HOOK1: variants seen among roughly 807,000 people sequenced by gnomAD.
The protein encoded by HOOK1 is hook microtubule tethering protein 1, also known as protein Hook homolog 1.
Under a neutral mutation model 112.8 loss-of-function variants are expected in HOOK1, and 60 were observed. The observed-to-expected ratio is 0.53, with a 90% CI of 0.43 to 0.66. The LOEUF (loss-of-function observed/expected upper bound fraction) is 0.66. Ranked by LOEUF, HOOK1 falls within the 30% of genes least tolerant of loss-of-function variation. The pLI is 0.00. For synonymous variants in HOOK1, 294 were observed against 283.8 expected, an observed-to-expected ratio of 1.04 and a Z score of -0.36; for missense variants, 770 against 856.0, an observed-to-expected ratio of 0.90 and a Z score of 1.25.
chr1:59,824,635 A>G (rs1160426258), intron 2 of HOOK1, among the ~76,000 whole-genome samples: 1 of 152,232 alleles, frequency 6.6e-6, no homozygotes, highest in African/African-American at 2.4e-5. Flanking sequence ...TTTAACCAAT[A>G]GTTTTTTTCT....
chr1:59,835,130 A>G (rs2098396653), intron 5 of HOOK1, among the ~76,000 whole-genome samples: 1 of 152,200 alleles, frequency 6.6e-6, no homozygotes, highest in Non-Finnish European at 1.5e-5. Context: ...CAAGGTACTG[A>G]CTGCAACAAT....
chr1:59,828,721 T>C, intron 2 of HOOK1, 59 bp from the exon 3 acceptor site: 1 of 1,474,780 alleles, frequency 6.8e-7, no homozygotes, highest in South Asian at 1.2e-5. Flanking sequence ...TGGCTCTATT[T>C]AATTTTTTGT....
At chr1:59,859,286 C>A (rs1425565952) in intron 14 of HOOK1, among the ~76,000 whole-genome samples, 2 of 151,888 alleles carry the variant, frequency 1.3e-5, no homozygotes, top group African/African-American at 2.4e-5. Context: ...TATGACATGA[C>A]CCCCATGTGC....
rs1644119334 is a variant in HOOK1, at chr1:59,875,719, A to T, written c.*2754A>T. The stretch of plus-strand genomic sequence containing the variant: ...TAAGATTAAAATTCCTTTTCTTTTT[A>T]AGGTTAAGGGTGTGTACGTATGGCA... On this transcript the variant is annotated 3_prime_UTR_variant, in exon 22 of 22. Coordinates refer to ENST00000371208, the MANE Select transcript of HOOK1 (RefSeq NM_015888.6). 6.6e-6 allele frequency: 1 copy of T among 152,218 alleles called. No individual in the cohort carries two copies. The highest frequency in any genetic ancestry group is 2.4e-5 in the African/African-American group (1 of 41,466). The allele number at this position is 152,218 out of a possible 1,614,324, so 9.4% of individuals were successfully genotyped here. A position where few individuals can be genotyped will look rare whatever the true frequency, so the allele number is the denominator to read the frequency against.
Position 59,821,946 on chromosome 1 carries a change from GAGT to G in HOOK1, c.149+7_149+9del. ...ATGGCACAAGTTCTTCATCAAATGT[GAGT>G]AGTGGTCAGACTCTCCCTGAAAAGC... On this transcript the variant is annotated splice_donor_5th_base_variant and intron_variant, in intron 2 of 21. Coordinates refer to ENST00000371208, the MANE Select transcript of HOOK1 (RefSeq NM_015888.6). 1 of 1,608,294 alleles carries G rather than the reference GAGT, an allele frequency of 6.2e-7. No homozygotes were observed. Among genetic ancestry groups the G allele is most frequent in the Non-Finnish European group, 8.5e-7 (1 of 1,175,660 alleles).
intron 7 of HOOK1, among the ~76,000 whole-genome samples, chr1:59,838,923 C>T (rs1009118509): frequency 6.6e-6 from 1 of 152,158 alleles, no homozygotes; most frequent in Non-Finnish European, 1.5e-5. Flanking sequence ...TATGGCTAGC[C>T]AGTTTTCCCA....
intron 7 of HOOK1, among the ~76,000 whole-genome samples, chr1:59,838,474 T>G (rs1273718886): frequency 6.6e-6 from 1 of 152,210 alleles, no homozygotes; most frequent in Non-Finnish European, 1.5e-5. Flanking sequence ...CATATGTCCG[T>G]TCGCTGCATA....
intron 8 of HOOK1, 60 bp downstream of exon 8, chr1:59,840,451 A>G (rs2098400502): frequency 1.9e-6 from 2 of 1,039,616 alleles, no homozygotes; most frequent in Non-Finnish European, 2.7e-6. Flanking sequence ...GAAGATTTTT[A>G]TTGTAATTAA....
At chr1:59,868,036 T>A (rs1451291053) in intron 19 of HOOK1, among the ~76,000 whole-genome samples, 2 of 152,162 alleles carry the variant, frequency 1.3e-5, no homozygotes, top group Non-Finnish European at 1.5e-5. Context: ...ATGGGGACAT[T>A]TATATTTTTG....
chr1:59,864,575 G>A, intron 16 of HOOK1, 57 bp from the exon 17 acceptor site: 4 of 1,093,844 alleles, frequency 3.7e-6, no homozygotes, highest in Non-Finnish European at 5.6e-6. Context: ...TCGATGTCTG[G>A]AAAATTGACC....
intron 1 of HOOK1, chr1:59,815,444 C>T (rs1027986746): frequency 1.9e-6 from 1 of 528,138 alleles, no homozygotes; most frequent in Non-Finnish European, 3.4e-6. Context: ...GAGGATTCGA[C>T]CTGCCTGGTG....
Position 59,843,521 on chromosome 1 carries a change from T to C in HOOK1, c.711T>C (p.Asp237=), listed in dbSNP as rs372769935. Residue 237 remains aspartate (D), a synonymous_variant, in exon 9 of 22, where the codon GAT becomes GAC. Coordinates refer to ENST00000371208, the MANE Select transcript of HOOK1 (RefSeq NM_015888.6). ...TTGACCAGTTGGATGGCTCTTTTGA[T>C]GATCCAAACACAGTGGTTGCAAAAA... ...EKLDQLDGSF[D]DPNTVVAKKY... The C allele has an allele frequency of 2.2e-5, 35 of 1,610,390 alleles. No homozygotes were observed. Among genetic ancestry groups the C allele is most frequent in the Non-Finnish European group, 2.8e-5 (33 of 1,177,804 alleles).
rs1475734855 is a variant in HOOK1, at chr1:59,875,954, TC to T, written c.*2990del. On this transcript the variant is annotated 3_prime_UTR_variant, in exon 22 of 22. Coordinates refer to ENST00000371208, the MANE Select transcript of HOOK1 (RefSeq NM_015888.6). Reference sequence around the variant, plus strand: ...GTTTCCACATCTATACCTATTTCTTTCTAGGGCACTTCTGACCCTGGGGCTT... The same window carrying T: ...GTTTCCACATCTATACCTATTTCTTTTAGGGCACTTCTGACCCTGGGGCTT... 4 of 152,802 alleles carry T rather than the reference TC, an allele frequency of 2.6e-5. No homozygotes were observed. The East Asian group carries it at 7.7e-4, about 29-fold the overall frequency. The allele number at this position is 152,802 out of a possible 1,614,324, so 9.5% of individuals were successfully genotyped here.
At chr1:59,860,624 G>A (rs753004097) in intron 15 of HOOK1, among the ~76,000 whole-genome samples, 6 of 151,814 alleles carry the variant, frequency 4.0e-5, no homozygotes, top group South Asian at 2.1e-4. Flanking sequence ...TCCCTCTGTC[G>A]CCCAGGCTGG....
intron 12 of HOOK1, among the ~76,000 whole-genome samples, chr1:59,855,378 C>T (rs533300226): frequency 1.9e-4 from 29 of 152,198 alleles, no homozygotes; most frequent in African/African-American, 4.6e-4. Flanking sequence ...TGTGAGAACA[C>T]GTGGTATTTG....
chr1:59,872,807 C>G lies in HOOK1; in HGVS notation c.2029C>G (p.Gln677Glu). The G allele has an allele frequency of 7.0e-7, 1 of 1,425,624 alleles. No individual in the cohort carries two copies. Among genetic ancestry groups the G allele is most frequent in the South Asian group, 1.6e-5 (1 of 62,336 alleles). The allele number at this position is 1,425,624 out of a possible 1,614,324, so 88.3% of individuals were successfully genotyped here. A position where few individuals can be genotyped will look rare whatever the true frequency, so the allele number is the denominator to read the frequency against. The part of the protein sequence containing the change: ...SAWYNKSLAF[Q>E]KLGMESRLVS... ...TTTTTTTTTTCAGAGTCTAGCATTCCAGAAACTGGGGATGGAATCTAGACT... is the reference window on the plus strand; with the variant it reads ...TTTTTTTTTTCAGAGTCTAGCATTCGAGAAACTGGGGATGGAATCTAGACT... Residue 677 changes from glutamine (Q) to glutamate (E), a missense_variant, in exon 22 of 22, where the codon CAG (glutamine) becomes GAG (glutamate). Gln to Glu is a conservative substitution (Grantham distance 29). This residue lies in a region of HOOK1 where 111 missense variants were observed against 111.8 expected (regional missense o/e 0.99). Transcript: ENST00000371208.
Position 59,872,873 on chromosome 1 carries a change from A to G in HOOK1, c.2095A>G (p.Thr699Ala). The change falls in exon 22 of 22, where the codon ACT becomes GCT. Residue 699 changes from threonine to alanine, a missense_variant. Transcript: ENST00000371208. ...GGACSDTGAC[T>A]PARSFLAQQR... Reference sequence around the variant, plus strand: ...TGCCTGCAGTGACACTGGTGCGTGCACTCCTGCGCGGTCTTTCTTAGCGCA... The same window carrying G: ...TGCCTGCAGTGACACTGGTGCGTGCGCTCCTGCGCGGTCTTTCTTAGCGCA... 1 of 1,518,598 alleles carries G rather than the reference A, an allele frequency of 6.6e-7. No individual in the cohort carries two copies. Among genetic ancestry groups the G allele is most frequent in the South Asian group, 1.3e-5 (1 of 79,486 alleles). 94.1% of individuals were successfully genotyped at this position (1,518,598 alleles called of 1,614,324 possible). A position where few individuals can be genotyped will look rare whatever the true frequency, so the allele number is the denominator to read the frequency against.
intron 12 of HOOK1, 47 bp from the exon 13 acceptor site, chr1:59,858,381 T>G (rs2098411772): frequency 8.8e-7 from 1 of 1,130,178 alleles, no homozygotes; most frequent in South Asian, 1.2e-5. Flanking sequence ...AGTACATTGT[T>G]TATAGGCAGA....
chr1:59,832,101 C>G (rs918892634), intron 3 of HOOK1, 62 bp from the exon 4 acceptor site: 1 of 904,382 alleles, frequency 1.1e-6, no homozygotes, highest in Non-Finnish European at 1.7e-6. Flanking sequence ...GTCTTTCATG[C>G]TGACATAACT....
Sources: allele counts gnomAD v4.1 joint callset (sites outside exome capture counted in the v4.1 genomes callset), GRCh38; gene constraint gnomAD v4.1.1; regional missense constraint gnomAD v4.1.1; transcripts MANE v1.5; gene names NCBI Gene and HGNC (gene_info 2026-07-23, HGNC 2026-07-21).